The following DENND2B variants were observed in gnomAD, a reference collection of about 807,000 sequenced individuals.
The protein encoded by DENND2B is DENN domain containing 2B.
DENND2B carries 32 observed loss-of-function variants against 116.0 expected under a neutral mutation model. The ratio of observed to expected loss-of-function variants is 0.28; its 90% CI spans 0.21 to 0.37. The LOEUF (loss-of-function observed/expected upper bound fraction) is 0.37. Among genes scored for constraint, DENND2B ranks in the 10% least tolerant of loss-of-function variants. DENND2B has a pLI of 1.00. For missense variants in DENND2B, 1,276 were observed against 1,477.7 expected (o/e 0.86, Z 2.24); for synonymous variants, 588 against 583.9 (o/e 1.01, Z -0.10).
intron 4 of DENND2B, 73 bp downstream of exon 4, chr11:8,726,000 A>G (rs1371255329): frequency 6.2e-7 from 1 of 1,601,746 alleles, no homozygotes; most frequent in East Asian, 2.2e-5. Flanking sequence ...AGGTCAATCT[A>G]GGTGTCTCCT....
intron 1 of DENND2B, among the ~76,000 whole-genome samples, chr11:8,754,029 G>GCGTGCACA (rs146486674): frequency 7.2e-6 from 1 of 138,734 alleles, no homozygotes; most frequent in Non-Finnish European, 1.5e-5. Flanking sequence ...CCAAAAGCGC[G>GCGTGCACA]CACACACACA....
intron 11 of DENND2B, chr11:8,708,218 G>A (rs919882924): frequency 3.2e-6 from 4 of 1,234,830 alleles, no homozygotes; most frequent in African/African-American, 1.5e-5. Flanking sequence ...CAGCAGATGG[G>A]AAGGACTAGG....
chr11:8,725,164 G>C (rs2046872907), intron 4 of DENND2B, among the ~76,000 whole-genome samples: 1 of 152,272 alleles, frequency 6.6e-6, no homozygotes, highest in South Asian at 2.1e-4. Flanking sequence ...TTCCTATGTG[G>C]AAACACAGGT....
chr11:8,720,019 G>A (rs532986936), intron 4 of DENND2B, among the ~76,000 whole-genome samples: 23 of 152,196 alleles, frequency 1.5e-4, no homozygotes, highest in Middle Eastern at 3.4e-3. Context: ...CTATCCACCA[G>A]GAGACATTAG....
intron 1 of DENND2B, among the ~76,000 whole-genome samples, chr11:8,782,748 G>A (rs896363012): frequency 2.6e-5 from 4 of 151,924 alleles, no homozygotes; most frequent in South Asian, 2.1e-4. Flanking sequence ...TTAGGCGGGC[G>A]TGGGGGTGGG....
At chr11:8,731,674 A>C (rs1180430346) in intron 2 of DENND2B, among the ~76,000 whole-genome samples, 1 of 152,124 alleles carries the variant, frequency 6.6e-6, no homozygotes, top group East Asian at 1.9e-4. Flanking sequence ...ACATAGTGAG[A>C]CTCTGTGTAT....
chr11:8,726,349 C>G (rs1481113733), intron 3 of DENND2B, 140 bp from the exon 4 acceptor site: 1 of 1,126,008 alleles, frequency 8.9e-7, no homozygotes, highest in African/African-American at 1.6e-5. Flanking sequence ...TGGGTCCAAA[C>G]TTACCATCCA....
At chr11:8,798,511 C>T (rs2060027834) in intron 1 of DENND2B, among the ~76,000 whole-genome samples, 1 of 152,182 alleles carries the variant, frequency 6.6e-6, no homozygotes, top group Admixed American at 6.5e-5. Flanking sequence ...AGGAGGATGG[C>T]ACAGGTGTTG....
intron 1 of DENND2B, among the ~76,000 whole-genome samples, chr11:8,779,756 C>A (rs1052659106): frequency 6.6e-6 from 1 of 152,086 alleles, no homozygotes; most frequent in Non-Finnish European, 1.5e-5. Context: ...TCAGGTGATC[C>A]GCCCCGCCTC....
intron 3 of DENND2B, among the ~76,000 whole-genome samples, chr11:8,851,495 T>A (rs1254168173): frequency 6.6e-6 from 1 of 152,212 alleles, no homozygotes; most frequent in Non-Finnish European, 1.5e-5. Flanking sequence ...TCATTCTTTT[T>A]AGTTTGGCAA....
Position 8,718,191 on chromosome 11 carries a change from C to G in DENND2B, c.1478-299G>C, listed in dbSNP as rs992284752. On this transcript the variant is annotated intron_variant, in intron 4 of 19. Coordinates refer to ENST00000313726, the MANE Select transcript of DENND2B (RefSeq NM_213618.2). ...ATTGCACAAGACTGGCTCAGCCACC[C>G]CTGCCTGTGCCCAGCCAGAGGACAA... is the stretch of plus-strand genomic sequence containing the variant. 7.0e-6 allele frequency: 5 copies of G among 713,366 alleles called. No homozygotes were observed. In the African/African-American group the frequency reaches 7.1e-5, roughly 10 times the overall value. 44.2% of individuals were successfully genotyped at this position (713,366 alleles called of 1,614,324 possible).
At chr11:8,819,946 G>T (rs997277396) in intron 4 of DENND2B, among the ~76,000 whole-genome samples, 1 of 152,204 alleles carries the variant, frequency 6.6e-6, no homozygotes, top group African/African-American at 2.4e-5. Flanking sequence ...AATTTGTACT[G>T]CCATTGCAAC....
chr11:8,746,689 C>T (rs1177591622), intron 2 of DENND2B, among the ~76,000 whole-genome samples: 1 of 152,102 alleles, frequency 6.6e-6, no homozygotes. Context: ...CATTAGAGAA[C>T]AGTGAACTAT....
chr11:8,798,101 G>A (rs1476218472), intron 1 of DENND2B, among the ~76,000 whole-genome samples: 1 of 151,960 alleles, frequency 6.6e-6, no homozygotes, highest in South Asian at 2.1e-4. Flanking sequence ...ATATCCTTCC[G>A]AGCTCACAGC....
At chr11:8,870,035 T>C (rs1363033702) in intron 2 of DENND2B, among the ~76,000 whole-genome samples, 8 of 152,212 alleles carry the variant, frequency 5.3e-5, no homozygotes, top group Non-Finnish European at 8.8e-5. Context: ...AAATGGCCAG[T>C]TGCAGTGTGT....
At position 8,783,046 on chromosome 11, in the gene DENND2B, CT is replaced by C. The variant is rs35035048; in HGVS notation, c.-26+27470del. Reference sequence around the variant, plus strand: ...TATGTAGATATTTGCCACCACTTACCTTTTTTTTTTTTTTTTTTTTCCCAAA... The same window carrying C: ...TATGTAGATATTTGCCACCACTTACCTTTTTTTTTTTTTTTTTTTCCCAAA... On this transcript the variant is annotated intron_variant, in intron 1 of 19. Coordinates refer to ENST00000313726, the MANE Select transcript of DENND2B (RefSeq NM_213618.2). Among the ~76,000 whole-genome samples the C allele has an allele frequency of 4.1e-3, 487 of 118,986 alleles. 1 individual carries two copies. Among genetic ancestry groups the C allele is most frequent in the Middle Eastern group, 0.019 (4 of 214 alleles). The allele number at this position is 118,986 out of a possible 152,430, so 78.1% of individuals were successfully genotyped here. A position where few individuals can be genotyped will look rare whatever the true frequency, so the allele number is the denominator to read the frequency against.
At chr11:8,854,482 A>G (rs2568054) in intron 3 of DENND2B, among the ~76,000 whole-genome samples, 83,665 of 151,994 alleles carry the variant, frequency 0.55, 23,201 homozygotes, top group Middle Eastern at 0.73. Flanking sequence ...GATTACAGAC[A>G]TGAGCCACAG....
chr11:8,832,886 CA>C (rs1486497397), intron 4 of DENND2B, among the ~76,000 whole-genome samples: 1 of 152,234 alleles, frequency 6.6e-6, no homozygotes, highest in African/African-American at 2.4e-5. Context: ...AGACGGCTTC[CA>C]GTAAGCAGCG....
chr11:8,740,301 T>G (rs942981422), intron 2 of DENND2B, among the ~76,000 whole-genome samples: 1 of 152,176 alleles, frequency 6.6e-6, no homozygotes, highest in East Asian at 1.9e-4. Flanking sequence ...ATATTCCCTC[T>G]GGCACTGTCT....
Sources: allele counts gnomAD v4.1 joint callset (sites outside exome capture counted in the v4.1 genomes callset), GRCh38; gene constraint gnomAD v4.1.1; transcripts MANE v1.5; gene names NCBI Gene and HGNC (gene_info 2026-07-23, HGNC 2026-07-21).